The following TRMT11 variants were observed in gnomAD, a reference collection of about 807,000 sequenced individuals.
TRMT11 encodes the protein tRNA methyltransferase 11, also known as tRNA (guanine(10)-N(2))-methyltransferase TRMT11.
TRMT11 carries 53 observed loss-of-function variants against 62.8 expected under a neutral mutation model. That is an observed-to-expected ratio of 0.84 (90% CI 0.68 to 1.06). The LOEUF (loss-of-function observed/expected upper bound fraction) is 1.06, where lower values mean the gene tolerates loss of function less well. TRMT11 is among the 50% of genes least tolerant of loss of function. TRMT11 has a pLI of 0.00. For synonymous variants in TRMT11, 188 were observed against 190.3 expected, an observed-to-expected ratio of 0.99 and a Z score of 0.10; for missense variants, 556 against 553.4, an observed-to-expected ratio of 1.00 and a Z score of -0.05.
chr6:126,030,994 G>A (rs1053843090), intron 12 of TRMT11, among the ~76,000 whole-genome samples: 4 of 152,068 alleles, frequency 2.6e-5, no homozygotes, highest in African/African-American at 4.8e-5. Flanking sequence ...GATAGGGAGC[G>A]GTGCAGGAGA....
the TRMT11 span, among the ~76,000 whole-genome samples, chr6:126,271,490 T>C: frequency 6.6e-6 from 1 of 151,318 alleles, no homozygotes; most frequent in Non-Finnish European, 1.5e-5. Flanking sequence ...ATGGTTTATA[T>C]ATATATATAT....
chr6:126,146,775 C>T (rs1777980241), intron 21 of TRMT11, among the ~76,000 whole-genome samples: 1 of 152,180 alleles, frequency 6.6e-6, no homozygotes, highest in Admixed American at 6.5e-5. Context: ...GCCTCAGCCT[C>T]CCAAAGTGTT....
chr6:126,042,397 T>C (rs929383690), downstream of TRMT11, among the ~76,000 whole-genome samples: 2 of 152,110 alleles, frequency 1.3e-5, no homozygotes, highest in African/African-American at 4.8e-5. Context: ...ACAGGGCTCT[T>C]TGGGGGATGG....
At chr6:125,999,022 A>C in intron 6 of TRMT11, among the ~76,000 whole-genome samples, 1 of 151,776 alleles carries the variant, frequency 6.6e-6, no homozygotes, top group South Asian at 2.1e-4. Context: ...TAGTTGAGGA[A>C]TCTCATTTGT....
chr6:126,163,829 T>G (rs1778195183), intron 21 of TRMT11, among the ~76,000 whole-genome samples: 1 of 152,214 alleles, frequency 6.6e-6, no homozygotes, highest in South Asian at 2.1e-4. Flanking sequence ...ATTCCCTTTA[T>G]CATTTTTTAT....
intron 1 of TRMT11, among the ~76,000 whole-genome samples, chr6:125,989,586 A>G (rs1394278650): frequency 6.6e-6 from 1 of 152,178 alleles, no homozygotes; most frequent in East Asian, 1.9e-4. Flanking sequence ...GTGACTGTGT[A>G]AAGTAAGGCA....
intron 7 of TRMT11, among the ~76,000 whole-genome samples, chr6:126,006,290 C>G (rs1316641431): frequency 6.6e-6 from 1 of 151,718 alleles, no homozygotes; most frequent in African/African-American, 2.4e-5. Context: ...TGCCATTTTT[C>G]TTTCTTTTTT....
chr6:126,264,539 G>A, the TRMT11 span, among the ~76,000 whole-genome samples: 1 of 152,152 alleles, frequency 6.6e-6, no homozygotes, highest in Non-Finnish European at 1.5e-5. Context: ...GGGCCATGGA[G>A]CACAGATATT....
intron 17 of TRMT11, among the ~76,000 whole-genome samples, chr6:126,064,565 TAAAA>T (rs796922288): frequency 6.8e-6 from 1 of 146,570 alleles, no homozygotes; most frequent in Non-Finnish European, 1.5e-5. Context: ...GCCTCCAAGA[TAAAA>T]AAAAAAGTCA....
At chr6:126,214,705 ATTG>A in the TRMT11 span, among the ~76,000 whole-genome samples, 1 of 151,036 alleles carries the variant, frequency 6.6e-6, no homozygotes, top group Non-Finnish European at 1.5e-5. Context: ...GATCTTTCAT[ATTG>A]TTTTCTTTGT....
At chr6:126,061,587 A>G (rs1174435937) in intron 17 of TRMT11, among the ~76,000 whole-genome samples, 1 of 148,862 alleles carries the variant, frequency 6.7e-6, no homozygotes, top group East Asian at 2.0e-4. Context: ...AAACAGTTCA[A>G]TCTGACATTA....
chr6:126,120,783 C>T (rs1226578384), intron 21 of TRMT11, among the ~76,000 whole-genome samples: 1 of 152,074 alleles, frequency 6.6e-6, no homozygotes, highest in Admixed American at 6.6e-5. Flanking sequence ...AGAAATGTGC[C>T]AGAAGCAAAG....
At chr6:126,153,614 C>T (rs868044389) in intron 21 of TRMT11, among the ~76,000 whole-genome samples, 3 of 152,294 alleles carry the variant, frequency 2.0e-5, no homozygotes, top group East Asian at 3.9e-4. Context: ...TTAGAGGTTG[C>T]GCTTTCCTTA....
At chr6:126,141,655 T>A (rs987746402) in intron 21 of TRMT11, among the ~76,000 whole-genome samples, 1 of 152,132 alleles carries the variant, frequency 6.6e-6, no homozygotes, top group Non-Finnish European at 1.5e-5. Flanking sequence ...CCAACTTAAA[T>A]CCGTTATTTT....
chr6:126,211,790 A>G, the TRMT11 span, among the ~76,000 whole-genome samples: 4 of 152,056 alleles, frequency 2.6e-5, no homozygotes, highest in Non-Finnish European at 5.9e-5. Context: ...AAGTAATCCA[A>G]TTATACATTT....
At chr6:126,162,350 T>G (rs1471957648) in intron 21 of TRMT11, among the ~76,000 whole-genome samples, 1 of 152,246 alleles carries the variant, frequency 6.6e-6, no homozygotes, top group Admixed American at 6.5e-5. Flanking sequence ...TTTGTCAAGT[T>G]TGTCAAAGAT....
intron 21 of TRMT11, among the ~76,000 whole-genome samples, chr6:126,120,433 G>C (rs1777636464): frequency 6.6e-6 from 1 of 151,858 alleles, no homozygotes; most frequent in Non-Finnish European, 1.5e-5. Context: ...ATTACTTTTA[G>C]GTACAAAAAA....
intron 3 of TRMT11, among the ~76,000 whole-genome samples, chr6:126,200,774 C>T (rs1287645417): frequency 6.6e-6 from 1 of 152,114 alleles, no homozygotes; most frequent in Non-Finnish European, 1.5e-5. Context: ...AGGATGGTTT[C>T]AATCTCCTGA....
At chr6:125,988,247 G>A (rs899929197) in intron 1 of TRMT11, among the ~76,000 whole-genome samples, 3 of 152,180 alleles carry the variant, frequency 2.0e-5, no homozygotes, top group East Asian at 1.9e-4. Context: ...TTGCTAAAGC[G>A]AATATGTTGA....
Sources: allele counts gnomAD v4.1 joint callset (sites outside exome capture counted in the v4.1 genomes callset), GRCh38; gene constraint gnomAD v4.1.1; transcripts MANE v1.5; gene names NCBI Gene and HGNC (gene_info 2026-07-23, HGNC 2026-07-21).